The following ANXA2 variants were observed in gnomAD, a reference collection of about 807,000 sequenced individuals.
ANXA2 encodes annexin II.
In ANXA2, 28 loss-of-function variants were observed where a neutral mutation model predicts 47.3. That is an observed-to-expected ratio of 0.59 (90% confidence interval 0.44 to 0.81). The LOEUF is 0.81. ANXA2 is among the 40% of genes least tolerant of loss of function. The pLI, the probability that ANXA2 is intolerant of heterozygous loss-of-function variation, is 0.00. For missense variants in ANXA2, 384 were observed against 414.3 expected, an observed-to-expected ratio of 0.93 and a Z score of 0.64; for synonymous variants, 172 against 155.5, an observed-to-expected ratio of 1.11 and a Z score of -0.79.
chr15:60,380,636 C>G (rs1169895065), intron 3 of ANXA2, among the ~76,000 whole-genome samples: 1 of 151,476 alleles, frequency 6.6e-6, no homozygotes, highest in Non-Finnish European at 1.5e-5. Context: ...GAAACCCTGT[C>G]TCTACTAAAA....
At chr15:60,397,582 C>T (rs1284521259) in intron 1 of ANXA2, among the ~76,000 whole-genome samples, 1 of 152,188 alleles carries the variant, frequency 6.6e-6, no homozygotes, top group East Asian at 1.9e-4. Flanking sequence ...TGGGCGGCCA[C>T]GCCCTGCCTC....
intron 1 of ANXA2, among the ~76,000 whole-genome samples, chr15:60,395,328 G>C (rs951083233): frequency 1.3e-5 from 2 of 152,184 alleles, no homozygotes; most frequent in African/African-American, 4.8e-5. Flanking sequence ...ATAACTATGA[G>C]TGGAACACAG....
At position 60,352,492 on chromosome 15, in the gene ANXA2, A is replaced by G. The variant is rs757129245; in HGVS notation, c.589-16T>C. 6.3e-7 allele frequency: 1 copy of G among 1,595,622 alleles called. No individual in the cohort carries two copies. On this transcript the variant is annotated splice_polypyrimidine_tract_variant and intron_variant, in intron 8 of 12. Coordinates refer to ENST00000451270, the MANE Select transcript of ANXA2 (RefSeq NM_004039.3). The surrounding 1 kb of genome is among the most constrained non-coding windows in gnomAD (Gnocchi z 4.2). ...CATAGAGATCCTACGAGTACAACCA[A>G]CCAGGAAAAGTTAACTACACATCCA...
At chr15:60,385,785 C>A in intron 2 of ANXA2, 1 of 431,784 alleles carries the variant, frequency 2.3e-6, no homozygotes, top group Non-Finnish European at 4.2e-6. Flanking sequence ...AAATTCCAGC[C>A]ATTCCAGTGT....
intron 12 of ANXA2, 60 bp from the exon 13 acceptor site, chr15:60,347,749 TA>T (rs1196912994): frequency 5.5e-6 from 8 of 1,445,678 alleles, no homozygotes; most frequent in African/African-American, 2.8e-5. Flanking sequence ...GACTCCTCAA[TA>T]ACACAGAAGT....
At chr15:60,379,221 T>G (rs911486668) in intron 3 of ANXA2, among the ~76,000 whole-genome samples, 1 of 151,944 alleles carries the variant, frequency 6.6e-6, no homozygotes, top group Non-Finnish European at 1.5e-5. Context: ...GAGGTTGCAG[T>G]GAGCCAAGAT....
At chr15:60,392,090 C>A (rs2063019439) in intron 1 of ANXA2, among the ~76,000 whole-genome samples, 1 of 152,094 alleles carries the variant, frequency 6.6e-6, no homozygotes, top group Admixed American at 6.5e-5. Context: ...AAGAGCCATA[C>A]CCACCTCAAA....
At chr15:60,393,342 G>C in intron 1 of ANXA2, 1 of 1,003,258 alleles carries the variant, frequency 1.0e-6, no homozygotes, top group Non-Finnish European at 1.2e-6. Flanking sequence ...CACTTGGCAT[G>C]AAGCACTTTC....
intron 4 of ANXA2, 118 bp downstream of exon 4, chr15:60,364,311 T>C: frequency 1.3e-6 from 1 of 782,308 alleles, no homozygotes; most frequent in Non-Finnish European, 2.1e-6. Flanking sequence ...ATCTTAGATA[T>C]CCAAGGGTCC....
intron 1 of ANXA2, chr15:60,397,145 G>A (rs559776405): frequency 2.0e-5 from 9 of 460,564 alleles, no homozygotes; most frequent in Non-Finnish European, 2.6e-5. Context: ...AGAGCGGCCA[G>A]AAGGGAGAGG....
chr15:60,377,963 C>T (rs944700976), intron 3 of ANXA2, among the ~76,000 whole-genome samples: 1 of 152,054 alleles, frequency 6.6e-6, no homozygotes, highest in Non-Finnish European at 1.5e-5. Context: ...TGGTGCATGC[C>T]TGTGGTCCCA....
intron 2 of ANXA2, chr15:60,383,352 C>T (rs911917847): frequency 6.6e-6 from 1 of 152,338 alleles, no homozygotes; most frequent in African/African-American, 2.4e-5. Flanking sequence ...TGCTCTTGAA[C>T]TCCTGGGCTC....
intron 5 of ANXA2, among the ~76,000 whole-genome samples, chr15:60,358,535 G>A (rs985622118): frequency 3.3e-5 from 5 of 152,146 alleles, no homozygotes; most frequent in African/African-American, 9.7e-5. Flanking sequence ...TATATGCCCC[G>A]AAAAAGTAGT....
At chr15:60,395,401 C>G (rs2063068792) in intron 1 of ANXA2, among the ~76,000 whole-genome samples, 1 of 152,162 alleles carries the variant, frequency 6.6e-6, no homozygotes, top group African/African-American at 2.4e-5. Flanking sequence ...GCCTGAGACT[C>G]CTTTTGTGAC....
Position 60,382,387 on chromosome 15 carries a change from C to T in ANXA2, c.103G>A (p.Ala35Thr), listed in dbSNP as rs746287709. The T allele has an allele frequency of 6.2e-7, 1 of 1,613,992 alleles. No individual in the cohort carries two copies. Among genetic ancestry groups the T allele is most frequent in the South Asian group, 1.1e-5 (1 of 91,082 alleles). The change falls in exon 3 of 13, where the codon GCT (alanine) becomes ACT (threonine). Residue 35 changes from alanine to threonine, a missense_variant. Physicochemically the swap from Ala to Thr is moderately conservative, Grantham distance 58 (BLOSUM62 0). Transcript: ENST00000451270. The stretch of plus-strand genomic sequence containing the variant: ...TCAATGTTCAAAGCATCCCGCTCAG[C>T]ATCAAAGTTAGTATAGGCTTTGACA... Reference protein sequence around the residue: ...GSVKAYTNFDAERDALNIETA... With the variant: ...GSVKAYTNFDTERDALNIETA...
chr15:60,348,470 C>T (rs990059075), intron 12 of ANXA2, among the ~76,000 whole-genome samples: 6 of 152,192 alleles, frequency 3.9e-5, no homozygotes, highest in African/African-American at 1.4e-4. Flanking sequence ...TGTGGCCGGG[C>T]GCAGTGGCTC....
At chr15:60,378,593 TAATGCC>T (rs2062812339) in intron 3 of ANXA2, among the ~76,000 whole-genome samples, 1 of 152,228 alleles carries the variant, frequency 6.6e-6, no homozygotes, top group East Asian at 1.9e-4. Flanking sequence ...AGGGTTTTAA[TAATGCC>T]AACAATCTAG....
chr15:60,394,698 CAAAAGAAAAAA>C (rs1657236458), intron 1 of ANXA2: 3 of 90,316 alleles, frequency 3.3e-5, no homozygotes, highest in Non-Finnish European at 7.5e-5. Flanking sequence ...GGCTCCATCT[CAAAAGAAAAAA>C]AAAAGAAAAA....
intron 3 of ANXA2, among the ~76,000 whole-genome samples, chr15:60,377,907 G>T (rs978518142): frequency 6.6e-6 from 1 of 152,092 alleles, no homozygotes; most frequent in Non-Finnish European, 1.5e-5. Flanking sequence ...GGCCAACATG[G>T]TTAAACCCTG....
Sources: gnomAD v4.1 joint callset for allele counts (sites outside exome capture counted in the v4.1 genomes callset) on GRCh38, gnomAD v4.1.1 for gene constraint, Gnocchi (gnomAD v3.1) non-coding constraint, MANE v1.5 for transcripts, NCBI Gene and HGNC (gene_info 2026-07-23, HGNC 2026-07-21) for gene names.